ITGAM: variants seen among roughly 807,000 people sequenced by gnomAD.
ITGAM encodes the protein integrin subunit alpha M, also known as integrin alpha-M.
ITGAM carries 79 observed loss-of-function variants against 137.5 expected under a neutral mutation model. The ratio of observed to expected loss-of-function variants is 0.57; its 90% CI spans 0.48 to 0.69. The LOEUF is 0.69. Ranked by LOEUF, ITGAM falls within the 30% of genes least tolerant of loss-of-function variation. The probability of loss-of-function intolerance (pLI) is 0.00; values close to 1 mark genes in which losing one functional copy is unlikely to be tolerated. For missense variants in ITGAM, 1,343 were observed against 1,483.5 expected (o/e 0.91, Z 1.56); for synonymous variants, 583 against 592.3 (o/e 0.98, Z 0.23).
intron 12 of ITGAM, among the ~76,000 whole-genome samples, chr16:31,286,880 CA>C (rs2080034748): frequency 6.6e-6 from 1 of 152,128 alleles, no homozygotes; most frequent in South Asian, 2.1e-4. Context: ...GTTTTTGTTG[CA>C]GTTGCTTTTG....
chr16:31,260,319 G>T (rs2079685043), intron 1 of ITGAM, among the ~76,000 whole-genome samples: 1 of 152,178 alleles, frequency 6.6e-6, no homozygotes, highest in African/African-American at 2.4e-5. Flanking sequence ...AAGGCTGCTT[G>T]CCGGTCCCCT....
At position 31,297,965 on chromosome 16, in the gene ITGAM, G is replaced by A; in HGVS notation, c.1707+11G>A. The A allele has an allele frequency of 6.2e-7, 1 of 1,606,080 alleles. No individual in the cohort carries two copies. The highest frequency in any genetic ancestry group is 8.5e-7 in the Non-Finnish European group (1 of 1,172,922). ...CCCTCCCATAGCCAGGTGAGACCTG[G>A]TCACTGTCCTTGTCATGACAGTAGC... On this transcript the variant is annotated intron_variant, in intron 14 of 29. Transcript: ENST00000544665.
chr16:31,325,506 C>A lies in ITGAM; in HGVS notation c.2512C>A (p.Arg838Ser). 6.2e-7 allele frequency: 1 copy of A among 1,613,946 alleles called. No individual in the cohort carries two copies. Among genetic ancestry groups the A allele is most frequent in the Non-Finnish European group, 8.5e-7 (1 of 1,179,878 alleles). ...YRKVSTLQNQRSQRSWRLACE... is the reference protein window; with the variant it reads ...YRKVSTLQNQSSQRSWRLACE... ...TGCCTCCCCTGCCTTCCAGAACCAG[C>A]GCTCACAGCGATCCTGGCGCCTGGC... The change falls in exon 21 of 30, where the codon CGC becomes AGC. Residue 838 changes from arginine to serine, a missense_variant. Arg to Ser is a moderately radical substitution (Grantham distance 110). Transcript: ENST00000544665.
Position 31,278,020 on chromosome 16 carries a change from G to C in ITGAM, c.1267G>C (p.Ala423Pro). 1 of 1,605,906 alleles carries C rather than the reference G, an allele frequency of 6.2e-7. No homozygotes were observed. Among genetic ancestry groups the C allele is most frequent in the Non-Finnish European group, 8.5e-7 (1 of 1,176,332 alleles). ...CCGGGTGCAAAGCCTGGTTCTGGGG[G>C]CACCTCGATATCAGCACATCGGCCT... The part of the protein sequence containing the change: ...RNRVQSLVLG[A>P]PRYQHIGLVA... Residue 423 changes from alanine to proline, a missense_variant, in exon 12 of 30, where the codon GCA becomes CCA. Transcript: ENST00000544665.
intron 5 of ITGAM, among the ~76,000 whole-genome samples, chr16:31,270,707 A>ATATATG (rs1596975861): frequency 1.2e-5 from 1 of 81,472 alleles, no homozygotes; most frequent in East Asian, 3.3e-4. Context: ...GTGTATATAT[A>ATATATG]TATATATATA....
chr16:31,287,898 G>T (rs770647209), intron 12 of ITGAM, among the ~76,000 whole-genome samples: 1 of 152,146 alleles, frequency 6.6e-6, no homozygotes, highest in Non-Finnish European at 1.5e-5. Flanking sequence ...TGTTTTCGGT[G>T]TGTGGTCAGG....
intron 14 of ITGAM, among the ~76,000 whole-genome samples, chr16:31,307,847 T>G (rs1312622328): frequency 1.3e-5 from 2 of 152,168 alleles, no homozygotes; most frequent in East Asian, 3.8e-4. Flanking sequence ...ATGGAGAGTT[T>G]TTAGCATGAA....
At chr16:31,282,148 C>G (rs912636857) in intron 12 of ITGAM, among the ~76,000 whole-genome samples, 5 of 152,098 alleles carry the variant, frequency 3.3e-5, no homozygotes, top group African/African-American at 1.2e-4. Context: ...ACTATGTGGT[C>G]AATTTTGTAA....
At chr16:31,317,916 G>T (rs1480087083) in intron 14 of ITGAM, among the ~76,000 whole-genome samples, 1 of 152,116 alleles carries the variant, frequency 6.6e-6, no homozygotes, top group Non-Finnish European at 1.5e-5. Flanking sequence ...TCAGGATAGT[G>T]CTTGCCTCAT....
rs770587557 is a variant in ITGAM, at chr16:31,324,909, A to T, written c.2290-49A>T. 3 of 1,558,744 alleles carry T rather than the reference A, an allele frequency of 1.9e-6. No individual in the cohort carries two copies. In the East Asian group the frequency reaches 6.7e-5, roughly 35 times the overall value. On this transcript the variant is annotated intron_variant, in intron 18 of 29. Coordinates refer to ENST00000544665, the MANE Select transcript of ITGAM (RefSeq NM_000632.4). This position sits in a 1 kb window ranked among gnomAD's most constrained non-coding sequence, Gnocchi z 4.5. ...TGATTTTATTGTTTAATTTCACAATACTTGGTTATTTTCTTTCCTTTCATT... is the reference window on the plus strand; with the variant it reads ...TGATTTTATTGTTTAATTTCACAATTCTTGGTTATTTTCTTTCCTTTCATT...
chr16:31,312,361 C>T (rs1341914938), intron 14 of ITGAM, among the ~76,000 whole-genome samples: 1 of 152,092 alleles, frequency 6.6e-6, no homozygotes, highest in Non-Finnish European at 1.5e-5. Context: ...AAGAATGTAA[C>T]ATTACATGTA....
At chr16:31,289,804 G>A (rs11150608) in intron 12 of ITGAM, among the ~76,000 whole-genome samples, 52,424 of 151,930 alleles carry the variant, frequency 0.35, 10,247 homozygotes, top group East Asian at 0.69. Context: ...ACAACTGGCC[G>A]GGCCCAGTGG....
chr16:31,322,145 T>G (rs2080457490), intron 16 of ITGAM, among the ~76,000 whole-genome samples: 1 of 152,158 alleles, frequency 6.6e-6, no homozygotes, highest in Non-Finnish European at 1.5e-5. Context: ...GAAAGAATTG[T>G]ACCCTCTTTA....
At chr16:31,288,786 C>T (rs1167482492) in intron 12 of ITGAM, among the ~76,000 whole-genome samples, 1 of 151,974 alleles carries the variant, frequency 6.6e-6, no homozygotes, top group African/African-American at 2.4e-5. Context: ...GGAGCTTCTG[C>T]ACAGCAAAAG....
intron 14 of ITGAM, among the ~76,000 whole-genome samples, chr16:31,311,605 G>A (rs1280363132): frequency 5.9e-5 from 9 of 152,182 alleles, no homozygotes; most frequent in Non-Finnish European, 1.2e-4. Flanking sequence ...ACACCAGTTA[G>A]AATGGCAATC....
In ITGAM at chr16:31,275,549, GT is replaced by G; in HGVS notation, c.860del (p.Val287GlyfsTer29). 6.2e-7 allele frequency: 1 copy of G among 1,613,848 alleles called. No individual in the cohort carries two copies. The highest frequency in any genetic ancestry group is 8.5e-7 in the Non-Finnish European group (1 of 1,179,796). On this transcript the variant is annotated frameshift_variant and splice_region_variant, in exon 9 of 30. Transcript: ENST00000544665. LOFTEE classifies it high-confidence loss of function. Reference protein sequence around the residue: ...REGVIRYVIGVGDAFRSEKSR... With the variant: ...REGVIRYVIGXGDAFRSEKSR... ...TTTAGCCTCTGTTCCTTGGTAACAG[GT>G]GGGAGATGCCTTCCGCAGTGAGAAA...
chr16:31,325,013 T>G lies in ITGAM; in HGVS notation c.2345T>G (p.Ile782Ser). The G allele has an allele frequency of 6.2e-7, 1 of 1,613,162 alleles. No homozygotes were observed. The highest frequency in any genetic ancestry group is 8.5e-7 in the Non-Finnish European group (1 of 1,179,588). ...AACATCTGCCAGGATGACCTCAGCA[T>G]CACCTTCAGTTTCATGAGGTGAGTT... ...NDNICQDDLS[I>S]TFSFMSLDCL... The change falls in exon 19 of 30, where the codon ATC becomes AGC. Residue 782 changes from isoleucine (I) to serine (S), a missense_variant. Physicochemically the swap from Ile to Ser is moderately radical, Grantham distance 142. Transcript: ENST00000544665.
intron 8 of ITGAM, among the ~76,000 whole-genome samples, chr16:31,274,572 G>T (rs73532298): frequency 0.031 from 4,760 of 151,972 alleles, 237 homozygotes; most frequent in African/African-American, 0.11. Flanking sequence ...ATCCTTATCT[G>T]GTTGGATGTA....
chr16:31,295,164 A>G (rs1657185202), intron 12 of ITGAM, among the ~76,000 whole-genome samples: 1 of 152,042 alleles, frequency 6.6e-6, no homozygotes, highest in African/African-American at 2.4e-5. Flanking sequence ...AGGAATTATG[A>G]TGCCTCCAGT....
Sources: allele counts gnomAD v4.1 joint callset (sites outside exome capture counted in the v4.1 genomes callset), GRCh38; gene constraint gnomAD v4.1.1; non-coding constraint Gnocchi (gnomAD v3.1); transcripts MANE v1.5; gene names NCBI Gene and HGNC (gene_info 2026-07-23, HGNC 2026-07-21).